CA10: variants seen among roughly 807,000 people sequenced by gnomAD.
CA10 encodes the protein carbonic anhydrase-related protein 10.
In CA10, 14 loss-of-function variants were observed where a neutral mutation model predicts 44.2. The observed-to-expected ratio is 0.32, with a 90% confidence interval of 0.21 to 0.50. The LOEUF is 0.50. Ranked by LOEUF, CA10 falls within the 20% of genes least tolerant of loss-of-function variation. The probability of loss-of-function intolerance (pLI) is 0.99; values close to 1 mark genes in which losing one functional copy is unlikely to be tolerated. For missense variants in CA10, 350 were observed against 409.7 expected (o/e 0.85, Z 1.26); for synonymous variants, 159 against 141.6 (o/e 1.12, Z -0.87).
intron 3 of CA10, among the ~76,000 whole-genome samples, chr17:51,802,565 GAAA>G (rs754344655): frequency 0.31 from 28,200 of 89,988 alleles, 3,240 homozygotes; most frequent in East Asian, 0.47. Flanking sequence ...CCTGATGTCT[GAAA>G]AAAAAAAAAA....
At chr17:51,965,654 A>C (rs1984053738) in intron 2 of CA10, among the ~76,000 whole-genome samples, 1 of 152,084 alleles carries the variant, frequency 6.6e-6, no homozygotes, top group Non-Finnish European at 1.5e-5. Flanking sequence ...TATAAAATTC[A>C]GCATCTCTTC....
intron 2 of CA10, among the ~76,000 whole-genome samples, chr17:52,046,179 C>A (rs1307162855): frequency 1.3e-5 from 2 of 151,070 alleles, no homozygotes; most frequent in East Asian, 3.9e-4. Context: ...GCAGAGAAAA[C>A]TGAACCTAAA....
chr17:51,810,090 C>T (rs1308608541), intron 3 of CA10, among the ~76,000 whole-genome samples: 4 of 152,116 alleles, frequency 2.6e-5, no homozygotes, highest in Non-Finnish European at 2.9e-5. Flanking sequence ...CAGAAAGACC[C>T]GGTCTGTAGT....
chr17:52,063,184 A>G (rs1004409786), intron 2 of CA10, among the ~76,000 whole-genome samples: 1 of 152,172 alleles, frequency 6.6e-6, no homozygotes, highest in Non-Finnish European at 1.5e-5. Flanking sequence ...TGTGAACGAG[A>G]ATGTTTACCT....
intron 3 of CA10, among the ~76,000 whole-genome samples, chr17:51,886,437 A>T (rs1727891103): frequency 6.6e-6 from 1 of 152,212 alleles, no homozygotes; most frequent in South Asian, 2.1e-4. Flanking sequence ...CTCATCTAAG[A>T]TGCCCTGGAA....
chr17:51,978,697 A>G (rs1767369102), intron 2 of CA10, among the ~76,000 whole-genome samples: 1 of 152,084 alleles, frequency 6.6e-6, no homozygotes, highest in African/African-American at 2.4e-5. Flanking sequence ...TATTTCATCA[A>G]AATGAAAAAT....
intron 1 of CA10, among the ~76,000 whole-genome samples, chr17:52,080,279 C>T (rs893771564): frequency 7.9e-5 from 12 of 151,894 alleles, no homozygotes; most frequent in Non-Finnish European, 1.6e-4. Context: ...GGCAAAACCC[C>T]GTCTCTACCA....
intron 3 of CA10, among the ~76,000 whole-genome samples, chr17:51,820,153 A>T (rs948905964): frequency 3.3e-5 from 5 of 150,806 alleles, no homozygotes; most frequent in African/African-American, 1.2e-4. Context: ...TGAACCCAAG[A>T]AGTCTGACTC....
chr17:51,634,831 T>C (rs537028272), intron 7 of CA10, among the ~76,000 whole-genome samples: 1 of 152,340 alleles, frequency 6.6e-6, no homozygotes, highest in African/African-American at 2.4e-5. Flanking sequence ...AAAACCCAAC[T>C]TTTTCAAATG....
At chr17:51,984,852 G>T (rs11079988) in intron 2 of CA10, among the ~76,000 whole-genome samples, 11,852 of 151,870 alleles carry the variant, frequency 0.078, 487 homozygotes, top group African/African-American at 0.11. Context: ...CAAGCAGAGA[G>T]ATTGAAATGG....
intron 2 of CA10, among the ~76,000 whole-genome samples, chr17:51,943,658 A>T: frequency 6.6e-6 from 1 of 152,190 alleles, no homozygotes; most frequent in Admixed American, 6.5e-5. Flanking sequence ...TCTGGGACTC[A>T]AACCAGAGAC....
intron 2 of CA10, among the ~76,000 whole-genome samples, chr17:52,050,389 A>T (rs1987030350): frequency 6.6e-6 from 1 of 152,094 alleles, no homozygotes; most frequent in African/African-American, 2.4e-5. Context: ...GCACTTCTGT[A>T]ATCGACATCT....
At chr17:51,706,141 T>C (rs1915756351) in intron 4 of CA10, among the ~76,000 whole-genome samples, 1 of 152,172 alleles carries the variant, frequency 6.6e-6, no homozygotes, top group Non-Finnish European at 1.5e-5. Context: ...GATAATGGTA[T>C]GTTTACCATT....
rs1349137445 is a variant in CA10, at chr17:51,697,401, C to T, written c.466-43665G>A. On this transcript the variant is annotated intron_variant, in intron 4 of 8. Coordinates refer to ENST00000451037, the MANE Select transcript of CA10 (RefSeq NM_020178.5). ...CTGCCTCAGGGCCTTTGTACCAGCT[C>T]TTCCCTTTGCTCAAACATTTTCTTC... Among the ~76,000 whole-genome samples the T allele has an allele frequency of 2.0e-5, 3 of 152,208 alleles. No homozygotes were observed. The East Asian group carries it at 5.8e-4, about 29-fold the overall frequency.
chr17:51,768,434 C>T (rs1335016935), intron 3 of CA10, among the ~76,000 whole-genome samples: 1 of 152,188 alleles, frequency 6.6e-6, no homozygotes, highest in Non-Finnish European at 1.5e-5. Context: ...ATAAATAAGA[C>T]ATTCCATCAT....
intron 3 of CA10, among the ~76,000 whole-genome samples, chr17:51,883,241 TTTTC>T (rs1352016097): frequency 2.0e-5 from 3 of 152,232 alleles, no homozygotes; most frequent in South Asian, 2.1e-4. Context: ...ATACAATAAA[TTTTC>T]TTTCTCTCTT....
intron 3 of CA10, among the ~76,000 whole-genome samples, chr17:51,908,603 G>A (rs1336397034): frequency 1.4e-5 from 2 of 140,852 alleles, no homozygotes; most frequent in African/African-American, 5.3e-5. Context: ...TAGACACTTT[G>A]GTATTAGCTA....
intron 1 of CA10, among the ~76,000 whole-genome samples, chr17:52,149,236 C>A (rs1468475262): frequency 1.3e-5 from 2 of 152,230 alleles, no homozygotes; most frequent in African/African-American, 4.8e-5. Flanking sequence ...GCCTCATTTC[C>A]TACTGCCAGC....
intron 3 of CA10, among the ~76,000 whole-genome samples, chr17:51,867,492 C>T (rs1348163886): frequency 1.3e-5 from 2 of 152,088 alleles, no homozygotes; most frequent in Non-Finnish European, 2.9e-5. Flanking sequence ...GTCTCAGTCT[C>T]CTCTATAATG....
Sources: gnomAD v4.1 joint callset for allele counts (sites outside exome capture counted in the v4.1 genomes callset) on GRCh38, gnomAD v4.1.1 for gene constraint, MANE v1.5 for transcripts, NCBI Gene and HGNC (gene_info 2026-07-23, HGNC 2026-07-21) for gene names.